DOCK2: variants seen among roughly 807,000 people sequenced by gnomAD.
The protein encoded by DOCK2 is dedicator of cytokinesis 2.
Under a neutral mutation model 248.9 loss-of-function variants are expected in DOCK2, and 87 were observed. The observed-to-expected ratio is 0.35, with a 90% CI of 0.29 to 0.42. The LOEUF (loss-of-function observed/expected upper bound fraction) is 0.42. Among genes scored for constraint, DOCK2 ranks in the 10% least tolerant of loss-of-function variants. DOCK2 has a pLI of 1.00. For missense variants in DOCK2, 1,747 were observed against 2,300.2 expected (o/e 0.76, Z 4.92); for synonymous variants, 805 against 821.6 (o/e 0.98, Z 0.35).
At chr5:169,814,474 G>C (rs261012) in intron 26 of DOCK2, among the ~76,000 whole-genome samples, 69,537 of 152,024 alleles carry the variant, frequency 0.46, 16,757 homozygotes, top group African/African-American at 0.62. Flanking sequence ...AATCATGGAC[G>C]AGAAAATGGA....
rs540618389 is a variant in DOCK2, at chr5:169,822,956, G to A, written c.2704-17801G>A. Among the ~76,000 whole-genome samples, 224 of 152,246 alleles carry A rather than the reference G, an allele frequency of 1.5e-3. 3 individuals are homozygous for A. The South Asian group carries it at 0.034, about 23-fold the overall frequency. On this transcript the variant is annotated intron_variant, in intron 26 of 51. Coordinates refer to ENST00000520908, the MANE Select transcript of DOCK2 (RefSeq NM_004946.3). ...AGGGGATATCACCACCGATCCCACA[G>A]AAATTCAAACTACCATCAGAGAATA...
intron 27 of DOCK2, among the ~76,000 whole-genome samples, chr5:169,921,158 A>G (rs1279292740): frequency 6.6e-6 from 1 of 152,204 alleles, no homozygotes; most frequent in Non-Finnish European, 1.5e-5. Context: ...GTTAGCCTGG[A>G]AAAGTGTCTG....
intron 32 of DOCK2, among the ~76,000 whole-genome samples, chr5:170,011,416 C>A (rs1218958797): frequency 1.3e-5 from 2 of 152,132 alleles, no homozygotes; most frequent in Non-Finnish European, 2.9e-5. Flanking sequence ...AGACTCCCTG[C>A]TGTTAGCAAA....
intron 33 of DOCK2, among the ~76,000 whole-genome samples, chr5:170,024,517 T>A (rs1203710419): frequency 1.3e-5 from 2 of 152,090 alleles, no homozygotes; most frequent in African/African-American, 4.8e-5. Context: ...ATGATGACAA[T>A]GACAATAGCA....
At chr5:170,078,826 A>G (rs1757928294) in intron 48 of DOCK2, 149 bp from the exon 49 acceptor site, 1 of 787,854 alleles carries the variant, frequency 1.3e-6, no homozygotes, top group Non-Finnish European at 2.0e-6. Flanking sequence ...TTGCTCCCCA[A>G]ATCCTCTGCC....
Position 169,751,223 on chromosome 5 carries a change from G to A in DOCK2, c.2376+3719G>A, listed in dbSNP as rs191973511. Among the ~76,000 whole-genome samples, 290 of 152,306 alleles carry A rather than the reference G, an allele frequency of 1.9e-3. 3 individuals carry two copies. Among genetic ancestry groups the A allele is most frequent in the Non-Finnish European group, 3.2e-3 (216 of 68,034 alleles). On this transcript the variant is annotated intron_variant, in intron 23 of 51. Coordinates refer to ENST00000520908, the MANE Select transcript of DOCK2 (RefSeq NM_004946.3). ...TATTTTACTAGTGAGGATTCAGAAG[G>A]CGGGCATTTGTGTTCCTAATTTTGT...
chr5:169,811,876 A>G (rs1362542470), intron 26 of DOCK2, among the ~76,000 whole-genome samples: 1 of 152,186 alleles, frequency 6.6e-6, no homozygotes, highest in African/African-American at 2.4e-5. Context: ...CACCTGCACC[A>G]TTTCCCTGGA....
chr5:169,649,756 A>G (rs1001476903), intron 1 of DOCK2, among the ~76,000 whole-genome samples: 5 of 152,034 alleles, frequency 3.3e-5, no homozygotes, highest in African/African-American at 1.2e-4. Context: ...ACTTGAGGTT[A>G]CTATGAAGAT....
At position 169,716,131 on chromosome 5, in the gene DOCK2, TAG is replaced by T; in HGVS notation, c.1942-80_1942-79del. 3.3e-6 allele frequency: 4 copies of T among 1,221,552 alleles called. No individual in the cohort carries two copies. The East Asian group carries it at 9.5e-5, about 29-fold the overall frequency. The allele number at this position is 1,221,552 out of a possible 1,614,324, so 75.7% of individuals were successfully genotyped here. ...GTGGATGTGTGCTCTCATTCTCTTA[TAG>T]ATAGTTAGGAGTGGGATTGCTGGTT... On this transcript the variant is annotated intron_variant, in intron 19 of 51. Coordinates refer to ENST00000520908, the MANE Select transcript of DOCK2 (RefSeq NM_004946.3).
intron 26 of DOCK2, among the ~76,000 whole-genome samples, chr5:169,827,897 AC>A (rs200847362): frequency 0.039 from 5,953 of 152,126 alleles, 394 homozygotes; most frequent in East Asian, 0.31. Flanking sequence ...TGGTTTTTCA[AC>A]ATTAAAACCG....
chr5:169,902,427 C>T (rs1295651758), intron 27 of DOCK2, among the ~76,000 whole-genome samples: 2 of 152,192 alleles, frequency 1.3e-5, no homozygotes, highest in African/African-American at 4.8e-5. Flanking sequence ...AGTGAATAGT[C>T]CAGCAGGGCC....
intron 27 of DOCK2, among the ~76,000 whole-genome samples, chr5:169,930,003 T>A (rs937917097): frequency 6.6e-6 from 1 of 152,210 alleles, no homozygotes; most frequent in African/African-American, 2.4e-5. Context: ...TTATTTTGTT[T>A]ATTTTTGAGA....
Position 169,671,187 on chromosome 5 carries a change from A to T in DOCK2, c.321+13A>T, listed in dbSNP as rs1211262379. ...ACAACTCTATGTGGTGAGACTCAGA[A>T]CTCTGCTCCCTGAGTTGGAAGCTTC... On this transcript the variant is annotated intron_variant, in intron 5 of 51. Transcript: ENST00000520908. 6.2e-7 allele frequency: 1 copy of T among 1,607,616 alleles called. No homozygotes were observed. Among genetic ancestry groups the T allele is most frequent in the African/African-American group, 1.3e-5 (1 of 74,724 alleles).
chr5:169,696,131 G>T (rs1256562648), intron 10 of DOCK2, among the ~76,000 whole-genome samples, 193 bp downstream of exon 10: 1 of 152,190 alleles, frequency 6.6e-6, no homozygotes, highest in Non-Finnish European at 1.5e-5. Flanking sequence ...GATTTATGAT[G>T]AACACAGTGA....
intron 27 of DOCK2, among the ~76,000 whole-genome samples, chr5:169,923,898 T>C (rs1158314173): frequency 6.6e-6 from 1 of 152,232 alleles, no homozygotes; most frequent in Admixed American, 6.5e-5. Flanking sequence ...ATGGAAGTTT[T>C]GTGGGATAAG....
chr5:169,790,782 A>T (rs1378881187), intron 25 of DOCK2, among the ~76,000 whole-genome samples: 1 of 152,212 alleles, frequency 6.6e-6, no homozygotes, highest in Non-Finnish European at 1.5e-5. Flanking sequence ...AGTCATTCTC[A>T]TCTCCATTTT....
At chr5:169,681,926 C>T (rs1759691094) in intron 7 of DOCK2, 47 bp downstream of exon 7, 6 of 1,603,678 alleles carry the variant, frequency 3.7e-6, no homozygotes, top group African/African-American at 1.3e-5. Context: ...AATCATTTAG[C>T]ACATCATAAA....
chr5:169,704,560 T>C (rs1203826821), intron 14 of DOCK2, among the ~76,000 whole-genome samples: 1 of 152,154 alleles, frequency 6.6e-6, no homozygotes, highest in African/African-American at 2.4e-5. Context: ...AGTTTATTCA[T>C]GTGTAAAAAG....
chr5:169,929,958 C>T (rs989158801), intron 27 of DOCK2, among the ~76,000 whole-genome samples: 3 of 152,018 alleles, frequency 2.0e-5, no homozygotes, highest in Non-Finnish European at 4.4e-5. Context: ...GCTAATGTGA[C>T]TGAAGAATAG....
Sources: gnomAD v4.1 joint callset for allele counts (sites outside exome capture counted in the v4.1 genomes callset) on GRCh38, gnomAD v4.1.1 for gene constraint, MANE v1.5 for transcripts, NCBI Gene and HGNC (gene_info 2026-07-23, HGNC 2026-07-21) for gene names.